Variants in CNTN5 observed in about 807,000 individuals in gnomAD.
CNTN5 encodes the protein contactin 5, also known as contactin-5.
Under a neutral mutation model 129.1 loss-of-function variants are expected in CNTN5, and 77 were observed. The observed-to-expected ratio is 0.60, with a 90% CI of 0.50 to 0.72. The LOEUF is 0.72. Ranked by LOEUF, CNTN5 falls within the 30% of genes least tolerant of loss-of-function variation. The pLI, the probability that CNTN5 is intolerant of heterozygous loss-of-function variation, is 0.00. For missense variants in CNTN5, 1,478 were observed against 1,328.8 expected, an observed-to-expected ratio of 1.11 and a Z score of -1.75; for synonymous variants, 509 against 465.6, an observed-to-expected ratio of 1.09 and a Z score of -1.20.
chr11:99,787,090 GTT>G (rs35703142), intron 3 of CNTN5, among the ~76,000 whole-genome samples: 4,029 of 148,682 alleles, frequency 0.027, 95 homozygotes, highest in South Asian at 0.09. Context: ...GAAACTACAT[GTT>G]TTTTTTTTGT....
At chr11:99,868,788 T>C (rs1948424296) in intron 6 of CNTN5, among the ~76,000 whole-genome samples, 2 of 152,118 alleles carry the variant, frequency 1.3e-5, no homozygotes, top group Admixed American at 1.3e-4. Context: ...AATGAGGGCG[T>C]TTTAGCTGGT....
At chr11:100,053,169 C>A (rs142752221) in intron 9 of CNTN5, among the ~76,000 whole-genome samples, 2,024 of 151,656 alleles carry the variant, frequency 0.013, 43 homozygotes, top group African/African-American at 0.045. Context: ...AACAATATCT[C>A]ACTTTTTACT....
At chr11:100,039,465 A>C (rs1591107560) in intron 9 of CNTN5, among the ~76,000 whole-genome samples, 1 of 152,132 alleles carries the variant, frequency 6.6e-6, no homozygotes, top group East Asian at 1.9e-4. Context: ...GCTCTTCTCG[A>C]GGAGTATCTT....
chr11:99,438,097 A>C (rs1943671151), intron 2 of CNTN5, among the ~76,000 whole-genome samples: 1 of 152,348 alleles, frequency 6.6e-6, no homozygotes, highest in East Asian at 1.9e-4. Flanking sequence ...GTAAAGGTTT[A>C]TTCATGCTAG....
intron 3 of CNTN5, among the ~76,000 whole-genome samples, chr11:99,590,670 C>CAA (rs925571989): frequency 7.9e-5 from 12 of 152,210 alleles, no homozygotes; most frequent in African/African-American, 2.9e-4. Context: ...ATAGCAAATG[C>CAA]AAAGGCTATG....
At chr11:99,731,647 ACAC>A (rs1338506348) in intron 3 of CNTN5, among the ~76,000 whole-genome samples, 5 of 152,186 alleles carry the variant, frequency 3.3e-5, no homozygotes, top group Non-Finnish European at 7.4e-5. Context: ...AATCCTGTCC[ACAC>A]CACCATCCTC....
rs1000925823 is a variant in CNTN5 at position 99,753,216 on chromosome 11, G to A, written c.56-66328G>A. On this transcript the variant is annotated intron_variant, in intron 3 of 24. Transcript: ENST00000524871. ...CGACTCACTGCAAGCGCTGCCTTCCGTGTTCATGCCATTCTCCTGCCTCAG... is the reference window on the plus strand; with the variant it reads ...CGACTCACTGCAAGCGCTGCCTTCCATGTTCATGCCATTCTCCTGCCTCAG... Among the ~76,000 whole-genome samples the A allele has an allele frequency of 7.9e-5, 11 of 139,422 alleles. No homozygotes were observed. The East Asian group carries it at 2.2e-3, about 27-fold the overall frequency. The allele number at this position is 139,422 out of a possible 152,430, so 91.5% of individuals were successfully genotyped here. A position where few individuals can be genotyped will look rare whatever the true frequency, so the allele number is the denominator to read the frequency against.
chr11:99,360,341 C>T (rs887153059), intron 2 of CNTN5, among the ~76,000 whole-genome samples: 1 of 152,132 alleles, frequency 6.6e-6, no homozygotes, highest in Non-Finnish European at 1.5e-5. Flanking sequence ...GCAGTTCTCC[C>T]TCTTGAAGCT....
chr11:100,061,117 C>T, intron 9 of CNTN5, 95 bp from the exon 10 acceptor site: 1 of 924,852 alleles, frequency 1.1e-6, no homozygotes, highest in Non-Finnish European at 1.6e-6. Context: ...CATTTTATTG[C>T]ACTCAGCCTA....
At chr11:99,533,671 A>G (rs141695552) in intron 2 of CNTN5, among the ~76,000 whole-genome samples, 2 of 152,330 alleles carry the variant, frequency 1.3e-5, no homozygotes, top group East Asian at 3.9e-4. Context: ...ACCGCTGTTC[A>G]CTGGTGGGGG....
chr11:99,215,712 C>A (rs1476460638), intron 1 of CNTN5, among the ~76,000 whole-genome samples: 2 of 152,160 alleles, frequency 1.3e-5, no homozygotes, highest in Non-Finnish European at 2.9e-5. Flanking sequence ...GGCAGCTAGT[C>A]ATTTGGAGAA....
intron 2 of CNTN5, among the ~76,000 whole-genome samples, chr11:99,352,554 C>T (rs549664668): frequency 7.8e-4 from 118 of 151,970 alleles, no homozygotes; most frequent in African/African-American, 2.8e-3. Context: ...TGTTTGGAGC[C>T]CCTATTCCTA....
chr11:99,233,165 T>G (rs1450982927), intron 1 of CNTN5, among the ~76,000 whole-genome samples: 1 of 152,216 alleles, frequency 6.6e-6, no homozygotes, highest in Non-Finnish European at 1.5e-5. Context: ...AAAAGTCCTT[T>G]ATAGTGCTTT....
chr11:99,679,097 CATAT>C (rs35195363), intron 3 of CNTN5, among the ~76,000 whole-genome samples: 1 of 146,290 alleles, frequency 6.8e-6, no homozygotes, highest in African/African-American at 2.5e-5. Context: ...CATATACACA[CATAT>C]ATAGGAAATA....
chr11:99,793,822 G>T (rs565975240), intron 3 of CNTN5, among the ~76,000 whole-genome samples: 45 of 152,202 alleles, frequency 3.0e-4, no homozygotes, highest in Middle Eastern at 3.4e-3. Context: ...ATTTAGGATT[G>T]TTTATGAATT....
chr11:99,164,609 T>A (rs1860788882), intron 1 of CNTN5, among the ~76,000 whole-genome samples: 1 of 152,176 alleles, frequency 6.6e-6, no homozygotes, highest in Non-Finnish European at 1.5e-5. Flanking sequence ...TAAAATTATT[T>A]TGAGAAATGA....
intron 13 of CNTN5, among the ~76,000 whole-genome samples, chr11:100,163,992 C>T (rs1947539986): frequency 6.6e-6 from 1 of 151,790 alleles, no homozygotes; most frequent in Non-Finnish European, 1.5e-5. Flanking sequence ...AGGTCAAAAT[C>T]CTATCTGACT....
At position 99,625,824 on chromosome 11, in the gene CNTN5, G is replaced by A. The variant is rs959149982; in HGVS notation, c.55+69555G>A. Among the ~76,000 whole-genome samples the A allele has an allele frequency of 2.6e-5, 4 of 151,594 alleles. 1 individual carries two copies. The South Asian group carries it at 8.3e-4, about 31-fold the overall frequency. ...GAAAGATACTTTTTAGATATTTCACGATGACGTAAGAAGTAGAAAGATGAG... is the reference window on the plus strand; with the variant it reads ...GAAAGATACTTTTTAGATATTTCACAATGACGTAAGAAGTAGAAAGATGAG... On this transcript the variant is annotated intron_variant, in intron 3 of 24. Coordinates refer to ENST00000524871, the MANE Select transcript of CNTN5 (RefSeq NM_014361.4).
Position 99,861,193 on chromosome 11 carries a change from G to A in CNTN5, c.577+15931G>A, listed in dbSNP as rs189680532. On this transcript the variant is annotated intron_variant, in intron 6 of 24. Transcript: ENST00000524871. ...AGGATGGTCTCAATCTCCTGACCTC[G>A]TGATCCGCCAGCCTCAGCCTCCCAA... Among the ~76,000 whole-genome samples, 265 of 152,098 alleles carry A rather than the reference G, an allele frequency of 1.7e-3. 1 individual carries two copies. Among genetic ancestry groups the A allele is most frequent in the African/African-American group, 6.2e-3 (257 of 41,514 alleles).
Sources: allele counts gnomAD v4.1 joint callset (sites outside exome capture counted in the v4.1 genomes callset), GRCh38; gene constraint gnomAD v4.1.1; transcripts MANE v1.5; gene names NCBI Gene and HGNC (gene_info 2026-07-23, HGNC 2026-07-21).